Variants in NBEA observed in about 807,000 individuals in gnomAD.
NBEA encodes neurobeachin.
Under a neutral mutation model 343.4 loss-of-function variants are expected in NBEA, and 44 were observed. The observed-to-expected ratio is 0.13, with a 90% CI of 0.10 to 0.16. The LOEUF (loss-of-function observed/expected upper bound fraction) is 0.16, where lower values mean the gene tolerates loss of function less well. Among genes scored for constraint, NBEA ranks in the 10% least tolerant of loss-of-function variants. The pLI is 1.00. For missense variants in NBEA, 2,555 were observed against 3,631.3 expected, an observed-to-expected ratio of 0.70 and a Z score of 7.62; for synonymous variants, 1,175 against 1,238.7, an observed-to-expected ratio of 0.95 and a Z score of 1.08.
chr13:35,271,008 A>G (rs1200596928), intron 34 of NBEA, among the ~76,000 whole-genome samples: 1 of 152,212 alleles, frequency 6.6e-6, no homozygotes, highest in African/African-American at 2.4e-5. Context: ...TCCCCCCAGC[A>G]TGGCATTTGA....
intron 18 of NBEA, among the ~76,000 whole-genome samples, chr13:35,146,307 T>G (rs1189415747): frequency 1.3e-5 from 2 of 152,252 alleles, no homozygotes; most frequent in South Asian, 4.2e-4. Context: ...GTCATCAACA[T>G]CCATGACAAT....
At chr13:35,429,914 C>T (rs1053296431) in intron 38 of NBEA, among the ~76,000 whole-genome samples, 2 of 151,740 alleles carry the variant, frequency 1.3e-5, no homozygotes, top group Admixed American at 1.3e-4. Context: ...AATTGTGCTG[C>T]TATAAACATG....
At chr13:35,380,121 A>G (rs1033866900) in intron 38 of NBEA, among the ~76,000 whole-genome samples, 2 of 152,096 alleles carry the variant, frequency 1.3e-5, no homozygotes, top group African/African-American at 2.4e-5. Flanking sequence ...GCCTTTCTGT[A>G]TAGGTCATCT....
At chr13:35,104,183 A>G (rs1425454352) in intron 11 of NBEA, among the ~76,000 whole-genome samples, 1 of 151,800 alleles carries the variant, frequency 6.6e-6, no homozygotes, top group Non-Finnish European at 1.5e-5. Flanking sequence ...TCAGATACTC[A>G]CAGACTTTGA....
At chr13:35,500,230 G>A (rs1338394641) in intron 41 of NBEA, among the ~76,000 whole-genome samples, 1 of 152,084 alleles carries the variant, frequency 6.6e-6, no homozygotes, top group Non-Finnish European at 1.5e-5. Flanking sequence ...ACAATCCAGG[G>A]TTGCTTTCCA....
At chr13:35,464,936 G>A (rs1391819503) in intron 40 of NBEA, among the ~76,000 whole-genome samples, 2 of 151,976 alleles carry the variant, frequency 1.3e-5, no homozygotes, top group Non-Finnish European at 2.9e-5. Flanking sequence ...AATGAATGCT[G>A]AATTAAATAT....
At chr13:35,523,074 G>A (rs2077795109) in intron 41 of NBEA, among the ~76,000 whole-genome samples, 1 of 152,142 alleles carries the variant, frequency 6.6e-6, no homozygotes, top group Admixed American at 6.5e-5. Flanking sequence ...TTAGTTTGAT[G>A]GCTTTATGAA....
At chr13:35,363,881 T>C (rs1220577174) in intron 38 of NBEA, among the ~76,000 whole-genome samples, 1 of 151,898 alleles carries the variant, frequency 6.6e-6, no homozygotes, top group African/African-American at 2.4e-5. Flanking sequence ...CATTGTGACT[T>C]ACTGATTGAA....
chr13:35,200,905 T>C (rs544616499), intron 31 of NBEA, among the ~76,000 whole-genome samples: 43 of 152,062 alleles, frequency 2.8e-4, no homozygotes, highest in Middle Eastern at 6.8e-3. Flanking sequence ...TTTAAAAATA[T>C]TGAGTAGAGT....
chr13:35,631,540 C>G (rs1471293502), intron 49 of NBEA, among the ~76,000 whole-genome samples: 1 of 150,732 alleles, frequency 6.6e-6, no homozygotes, highest in African/African-American at 2.4e-5. Context: ...CTACACTAAA[C>G]TCCATCTAGC....
chr13:35,171,132 G>T (rs182961423), intron 25 of NBEA, 140 bp from the exon 26 acceptor site: 1 of 834,396 alleles, frequency 1.2e-6, no homozygotes, highest in East Asian at 2.5e-5. Context: ...GTGATATATG[G>T]AATTAGTTGA....
intron 41 of NBEA, among the ~76,000 whole-genome samples, chr13:35,482,629 A>C (rs116917703): frequency 0.03 from 4,496 of 151,826 alleles, 117 homozygotes; most frequent in Non-Finnish European, 0.046. Flanking sequence ...CTGATTAAAA[A>C]AAAAAAAGTG....
chr13:35,432,239 A>T (rs771088195), intron 38 of NBEA, 30 bp from the exon 39 acceptor site: 1 of 1,558,016 alleles, frequency 6.4e-7, no homozygotes, highest in South Asian at 1.2e-5. Context: ...TGTTATTAAT[A>T]GGGATTACTT....
At chr13:35,359,576 G>A (rs1416198) in intron 38 of NBEA, among the ~76,000 whole-genome samples, 28 of 151,950 alleles carry the variant, frequency 1.8e-4, no homozygotes, top group African/African-American at 5.8e-4. Context: ...TGGTGGGGTC[G>A]GTTCTAACAT....
At chr13:35,077,891 C>A (rs1224165843) in intron 10 of NBEA, among the ~76,000 whole-genome samples, 5 of 152,052 alleles carry the variant, frequency 3.3e-5, no homozygotes, top group Non-Finnish European at 7.4e-5. Flanking sequence ...CAGGGACATT[C>A]TAGAACATGT....
intron 17 of NBEA, among the ~76,000 whole-genome samples, chr13:35,140,001 A>G (rs2067999593): frequency 6.6e-6 from 1 of 151,902 alleles, no homozygotes; most frequent in Non-Finnish European, 1.5e-5. Context: ...AATATTCTAA[A>G]TTTCAGATAG....
chr13:35,096,998 T>C (rs1195682668), intron 10 of NBEA, among the ~76,000 whole-genome samples: 4 of 152,040 alleles, frequency 2.6e-5, no homozygotes, highest in Admixed American at 1.3e-4. Context: ...GATCAGTTAA[T>C]ATAATTGAAT....
chr13:35,113,459 T>G (rs2066317934), intron 13 of NBEA, among the ~76,000 whole-genome samples: 1 of 152,180 alleles, frequency 6.6e-6, no homozygotes, highest in African/African-American at 2.4e-5. Context: ...TTTCACCTAC[T>G]TGTTTTAGTT....
At chr13:35,527,295 C>T (rs1395959296) in intron 41 of NBEA, among the ~76,000 whole-genome samples, 1 of 152,138 alleles carries the variant, frequency 6.6e-6, no homozygotes, top group African/African-American at 2.4e-5. Context: ...ATGAAGTCTT[C>T]CCTCTGGGTT....
Sources: gnomAD v4.1 joint callset for allele counts (sites outside exome capture counted in the v4.1 genomes callset) on GRCh38, gnomAD v4.1.1 for gene constraint, MANE v1.5 for transcripts, NCBI Gene and HGNC (gene_info 2026-07-23, HGNC 2026-07-21) for gene names.